Variants in GRID2 observed in about 807,000 individuals in gnomAD.
GRID2 encodes glutamate receptor ionotropic, delta-2.
In GRID2, 33 loss-of-function variants were observed where a neutral mutation model predicts 114.8. That is an observed-to-expected ratio of 0.29 (90% CI 0.22 to 0.38). The LOEUF is 0.38. Among genes scored for constraint, GRID2 ranks in the 10% least tolerant of loss-of-function variants. The pLI is 1.00. For missense variants in GRID2, 1,184 were observed against 1,257.7 expected, an observed-to-expected ratio of 0.94 and a Z score of 0.89; for synonymous variants, 505 against 449.9, an observed-to-expected ratio of 1.12 and a Z score of -1.55.
At chr4:93,275,093 A>T (rs1005661772) in intron 8 of GRID2, among the ~76,000 whole-genome samples, 1 of 151,930 alleles carries the variant, frequency 6.6e-6, no homozygotes, top group Non-Finnish European at 1.5e-5. Context: ...TCAGCCTCTG[A>T]CAACCATTAA....
intron 14 of GRID2, among the ~76,000 whole-genome samples, chr4:93,759,340 A>G (rs545404982): frequency 6.6e-6 from 1 of 152,232 alleles, no homozygotes; most frequent in South Asian, 2.1e-4. Context: ...ATATATTTCA[A>G]ATTTAAGGTT....
chr4:92,580,551 G>A (rs1728131434), intron 1 of GRID2, among the ~76,000 whole-genome samples: 1 of 151,858 alleles, frequency 6.6e-6, no homozygotes, highest in Non-Finnish European at 1.5e-5. Context: ...TCATCTCAAA[G>A]TAGAGTAAAT....
chr4:93,335,966 C>T (rs968222550), intron 8 of GRID2, among the ~76,000 whole-genome samples: 3 of 152,092 alleles, frequency 2.0e-5, no homozygotes, highest in Non-Finnish European at 4.4e-5. Context: ...GGATTATAGG[C>T]GTGAGCCACC....
rs1372875883 is a variant in GRID2, at chr4:93,004,673, C to T, written c.245-80322C>T. ...AATGAGTGTCACATCTTCCACTCCC[C>T]CTCAGAGCAGAACTCCTAAATGAGC... On this transcript the variant is annotated intron_variant, in intron 2 of 15. Transcript: ENST00000282020. Among the ~76,000 whole-genome samples the T allele has an allele frequency of 3.3e-5, 5 of 151,994 alleles. No individual in the cohort carries two copies. The East Asian group carries it at 9.7e-4, about 29-fold the overall frequency.
intron 5 of GRID2, among the ~76,000 whole-genome samples, chr4:93,213,256 A>G (rs1439853553): frequency 2.0e-5 from 3 of 152,068 alleles, no homozygotes; most frequent in Non-Finnish European, 4.4e-5. Flanking sequence ...TCCATTTTTT[A>G]ACATTTGCCT....
chr4:92,849,397 A>G (rs936472550), intron 2 of GRID2, among the ~76,000 whole-genome samples: 2 of 151,900 alleles, frequency 1.3e-5, no homozygotes, highest in Non-Finnish European at 2.9e-5. Flanking sequence ...AATGCACTCT[A>G]TTTCTAAGGA....
At chr4:92,899,264 T>C (rs1207228301) in intron 2 of GRID2, among the ~76,000 whole-genome samples, 1 of 152,170 alleles carries the variant, frequency 6.6e-6, no homozygotes, top group Non-Finnish European at 1.5e-5. Flanking sequence ...CTGTCTTTTG[T>C]TTTCCCTTTA....
At chr4:92,553,273 A>AT (rs1726686996) in intron 1 of GRID2, among the ~76,000 whole-genome samples, 1 of 151,782 alleles carries the variant, frequency 6.6e-6, no homozygotes, top group Admixed American at 6.6e-5. Flanking sequence ...TTTATATGAA[A>AT]TTTTTATAAT....
chr4:93,025,595 A>C (rs1213844113), intron 2 of GRID2, among the ~76,000 whole-genome samples: 4 of 151,784 alleles, frequency 2.6e-5, no homozygotes, highest in Admixed American at 1.3e-4. Flanking sequence ...AAGTAGTCCA[A>C]TTTGTAACAT....
chr4:93,150,677 CCT>C (rs1736652282), intron 4 of GRID2, among the ~76,000 whole-genome samples: 1 of 151,790 alleles, frequency 6.6e-6, no homozygotes, highest in Non-Finnish European at 1.5e-5. Context: ...GTGTCTGTGT[CCT>C]CTCTGAAATT....
chr4:93,028,605 C>T (rs767175674), intron 2 of GRID2, among the ~76,000 whole-genome samples: 17 of 151,656 alleles, frequency 1.1e-4, no homozygotes, highest in Non-Finnish European at 2.1e-4. Context: ...TATATACGTA[C>T]GACATTTTGA....
At chr4:92,558,739 G>A (rs894260184) in intron 1 of GRID2, among the ~76,000 whole-genome samples, 2 of 152,066 alleles carry the variant, frequency 1.3e-5, no homozygotes, top group Non-Finnish European at 2.9e-5. Flanking sequence ...ATCATGCTTC[G>A]CAAGGCATTG....
intron 1 of GRID2, among the ~76,000 whole-genome samples, chr4:92,359,473 A>G (rs1203591332): frequency 2.6e-5 from 4 of 151,970 alleles, no homozygotes; most frequent in Admixed American, 2.6e-4. Context: ...TATAGGGCTG[A>G]GTTTAAGGAT....
intron 1 of GRID2, among the ~76,000 whole-genome samples, chr4:92,520,980 A>G (rs1002260686): frequency 6.6e-6 from 1 of 151,898 alleles, no homozygotes; most frequent in Non-Finnish European, 1.5e-5. Context: ...AAAAAAGGAA[A>G]CATAACAGTT....
At chr4:92,687,138 G>A (rs1449058225) in intron 2 of GRID2, among the ~76,000 whole-genome samples, 2 of 150,872 alleles carry the variant, frequency 1.3e-5, no homozygotes, top group Non-Finnish European at 2.9e-5. Flanking sequence ...AAGCAAAATT[G>A]AACCAAACAT....
intron 1 of GRID2, among the ~76,000 whole-genome samples, chr4:92,423,142 T>C (rs1287310927): frequency 1.3e-5 from 2 of 152,140 alleles, no homozygotes; most frequent in African/African-American, 4.8e-5. Context: ...TGAAAAATGA[T>C]AGCTCAAACT....
At chr4:92,471,965 G>T (rs865911865) in intron 1 of GRID2, among the ~76,000 whole-genome samples, 1 of 43,870 alleles carries the variant, frequency 2.3e-5, no homozygotes, top group Admixed American at 2.7e-4. Flanking sequence ...ACGGAGTCTC[G>T]CTCTGTCGCC....
At chr4:93,091,516 G>C (rs955549202) in intron 3 of GRID2, among the ~76,000 whole-genome samples, 1 of 152,024 alleles carries the variant, frequency 6.6e-6, no homozygotes, top group Admixed American at 6.6e-5. Context: ...ATTAACATCT[G>C]TCCTTTCCCC....
intron 2 of GRID2, among the ~76,000 whole-genome samples, chr4:92,888,220 T>C (rs1219441944): frequency 6.6e-6 from 1 of 152,152 alleles, no homozygotes; most frequent in African/African-American, 2.4e-5. Context: ...TCATTTATTC[T>C]AATTATTAAC....
Sources: allele counts gnomAD v4.1 joint callset (sites outside exome capture counted in the v4.1 genomes callset), GRCh38; gene constraint gnomAD v4.1.1; transcripts MANE v1.5; gene names NCBI Gene and HGNC (gene_info 2026-07-23, HGNC 2026-07-21).